Variants in TBC1D32 observed in about 807,000 individuals in gnomAD.
The protein encoded by TBC1D32 is TBC1 domain family member 32.
TBC1D32 carries 151 observed loss-of-function variants against 170.3 expected under a neutral mutation model. The observed-to-expected ratio is 0.89, with a 90% confidence interval of 0.78 to 1.01. The LOEUF is 1.01. Ranked by LOEUF, TBC1D32 falls within the 50% of genes least tolerant of loss-of-function variation. The pLI, the probability that TBC1D32 is intolerant of heterozygous loss-of-function variation, is 0.00. For missense variants in TBC1D32, 1,464 were observed against 1,457.1 expected (o/e 1.00, Z -0.08); for synonymous variants, 498 against 488.0 (o/e 1.02, Z -0.27).
chr6:121,218,675 A>T (rs1426514629), intron 21 of TBC1D32, among the ~76,000 whole-genome samples: 2 of 152,144 alleles, frequency 1.3e-5, no homozygotes, highest in East Asian at 3.9e-4. Flanking sequence ...ATATATATAT[A>T]GATACATAGA....
chr6:121,297,116 G>A (rs970096677), intron 10 of TBC1D32, among the ~76,000 whole-genome samples: 2 of 151,896 alleles, frequency 1.3e-5, no homozygotes, highest in African/African-American at 2.4e-5. Context: ...AATAATCTCA[G>A]GACATGAACA....
At chr6:121,238,657 T>C (rs1351248894) in intron 20 of TBC1D32, among the ~76,000 whole-genome samples, 1 of 152,158 alleles carries the variant, frequency 6.6e-6, no homozygotes, top group Non-Finnish European at 1.5e-5. Flanking sequence ...TCTCTGTCTG[T>C]ACTTCCTTCA....
intron 29 of TBC1D32, among the ~76,000 whole-genome samples, chr6:121,108,223 A>C (rs1778881924): frequency 6.6e-6 from 1 of 152,136 alleles, no homozygotes; most frequent in Non-Finnish European, 1.5e-5. Flanking sequence ...AACATTGTTC[A>C]TAAAACTAGA....
At chr6:121,244,826 G>A (rs759466387) in intron 17 of TBC1D32, among the ~76,000 whole-genome samples, 13 of 152,130 alleles carry the variant, frequency 8.5e-5, no homozygotes, top group Non-Finnish European at 1.6e-4. Context: ...TGTCCAATAC[G>A]TTATAAAGAA....
intron 16 of TBC1D32, 86 bp from the exon 17 acceptor site, chr6:121,255,496 T>A: frequency 3.8e-6 from 1 of 264,108 alleles, no homozygotes; most frequent in Non-Finnish European, 6.5e-6. Context: ...TAATTATATT[T>A]TATAATTATA....
rs935431918 is a variant in TBC1D32 at position 121,282,616 on chromosome 6, G to A, written c.1466-930C>T. On this transcript the variant is annotated intron_variant, in intron 13 of 31. Coordinates refer to ENST00000398212, the MANE Select transcript of TBC1D32 (RefSeq NM_152730.6). Reference sequence around the variant, plus strand: ...TCAAGTGAGAAACCCTGTTTACAAGGACAGATATTATTGATGAGCATATGG... The same window carrying A: ...TCAAGTGAGAAACCCTGTTTACAAGAACAGATATTATTGATGAGCATATGG... Among the ~76,000 whole-genome samples, 12 of 151,804 alleles carry A rather than the reference G, an allele frequency of 7.9e-5. 1 individual carries two copies. The South Asian group carries it at 2.5e-3, about 31-fold the overall frequency.
intron 21 of TBC1D32, 120 bp from the exon 22 acceptor site, chr6:121,205,283 G>C (rs1792100255): frequency 2.0e-6 from 1 of 493,024 alleles, no homozygotes; most frequent in African/African-American, 2.0e-5. Flanking sequence ...AAATCACCTG[G>C]GGAGCTGTAA....
chr6:121,171,632 A>G (rs1206713021), intron 22 of TBC1D32, among the ~76,000 whole-genome samples: 1 of 152,190 alleles, frequency 6.6e-6, no homozygotes, highest in Non-Finnish European at 1.5e-5. Flanking sequence ...ATTAAAACAG[A>G]TATTTGCCTT....
At chr6:121,185,699 A>C (rs375843245) in intron 22 of TBC1D32, among the ~76,000 whole-genome samples, 2 of 152,096 alleles carry the variant, frequency 1.3e-5, no homozygotes, top group Admixed American at 1.3e-4. Context: ...ATCCTTGGCT[A>C]CTATGCTTTT....
At chr6:121,220,129 TTGAG>T (rs1794326727) in intron 21 of TBC1D32, among the ~76,000 whole-genome samples, 1 of 152,170 alleles carries the variant, frequency 6.6e-6, no homozygotes, top group Non-Finnish European at 1.5e-5. Context: ...AAAGGAAAAG[TTGAG>T]TGTCTCTCAC....
At chr6:121,267,323 G>A (rs140642878) in intron 15 of TBC1D32, among the ~76,000 whole-genome samples, 430 of 152,240 alleles carry the variant, frequency 2.8e-3, no homozygotes, top group African/African-American at 9.6e-3. Context: ...GCGGGGCATC[G>A]CCTTGAAAGC....
intron 21 of TBC1D32, among the ~76,000 whole-genome samples, chr6:121,221,548 A>G (rs1794520993): frequency 1.3e-5 from 2 of 152,256 alleles, no homozygotes; most frequent in South Asian, 4.1e-4. Flanking sequence ...CACATCTGTG[A>G]TTCACGAGAA....
At chr6:121,135,183 G>C (rs1021873737) in intron 24 of TBC1D32, among the ~76,000 whole-genome samples, 2 of 152,014 alleles carry the variant, frequency 1.3e-5, no homozygotes, top group African/African-American at 4.8e-5. Flanking sequence ...CATGAGGTAA[G>C]GGAAAATGAA....
chr6:121,270,983 T>C (rs1211483666), intron 15 of TBC1D32, among the ~76,000 whole-genome samples: 2 of 152,004 alleles, frequency 1.3e-5, no homozygotes, highest in Non-Finnish European at 2.9e-5. Context: ...AGGTAATCCC[T>C]CATATAAACA....
intron 31 of TBC1D32, among the ~76,000 whole-genome samples, chr6:121,089,926 T>G (rs1021338924): frequency 6.6e-6 from 1 of 151,736 alleles, no homozygotes; most frequent in African/African-American, 2.4e-5. Context: ...ACATTTTAAG[T>G]TCAAAGATTC....
At chr6:121,285,627 C>T (rs1446872016) in intron 12 of TBC1D32, among the ~76,000 whole-genome samples, 2 of 152,064 alleles carry the variant, frequency 1.3e-5, no homozygotes, top group Non-Finnish European at 2.9e-5. Flanking sequence ...CCAACTGAGC[C>T]TTGAAGAGAG....
At chr6:121,188,240 T>G (rs967336596) in intron 22 of TBC1D32, among the ~76,000 whole-genome samples, 2 of 152,130 alleles carry the variant, frequency 1.3e-5, no homozygotes, top group African/African-American at 2.4e-5. Flanking sequence ...TATATTAGTA[T>G]TATGCAGTAG....
intron 1 of TBC1D32, among the ~76,000 whole-genome samples, chr6:121,323,054 C>T (rs1247760807): frequency 2.0e-5 from 3 of 152,066 alleles, no homozygotes; most frequent in African/African-American, 7.2e-5. Flanking sequence ...AGCTACCCAC[C>T]ACATTTTTGG....
At chr6:121,157,200 G>C (rs555116391) in intron 24 of TBC1D32, among the ~76,000 whole-genome samples, 23 of 152,124 alleles carry the variant, frequency 1.5e-4, no homozygotes, top group Non-Finnish European at 2.6e-4. Flanking sequence ...CTAATGTTGA[G>C]TGCATACATA....
Sources: allele counts gnomAD v4.1 joint callset (sites outside exome capture counted in the v4.1 genomes callset), GRCh38; gene constraint gnomAD v4.1.1; transcripts MANE v1.5; gene names NCBI Gene and HGNC (gene_info 2026-07-23, HGNC 2026-07-21).